Variants in JAM3 observed in about 807,000 individuals in gnomAD.
JAM3 encodes the protein junctional adhesion molecule C.
JAM3 carries 31 observed loss-of-function variants against 39.4 expected under a neutral mutation model. The observed-to-expected ratio is 0.79, with a 90% CI of 0.59 to 1.06. The LOEUF (loss-of-function observed/expected upper bound fraction) is 1.06. JAM3 is among the 50% of genes least tolerant of loss of function. The probability of loss-of-function intolerance (pLI) is 0.00; values close to 1 mark genes in which losing one functional copy is unlikely to be tolerated. For missense variants in JAM3, 455 were observed against 391.4 expected (o/e 1.16, Z -1.37); for synonymous variants, 182 against 148.7 (o/e 1.22, Z -1.63).
At chr11:134,099,097 A>T (rs1942031890) in intron 1 of JAM3, among the ~76,000 whole-genome samples, 1 of 152,098 alleles carries the variant, frequency 6.6e-6, no homozygotes, top group African/African-American at 2.4e-5. Context: ...TATGCTTGGG[A>T]GGCTGAAGTG....
chr11:134,105,573 T>C (rs1203660196), intron 1 of JAM3, among the ~76,000 whole-genome samples: 1 of 152,118 alleles, frequency 6.6e-6, no homozygotes, highest in East Asian at 1.9e-4. Flanking sequence ...TCCCTGTTTG[T>C]AGATGACATG....
chr11:134,074,093 CA>C (rs1363466903), intron 1 of JAM3, among the ~76,000 whole-genome samples: 1 of 152,174 alleles, frequency 6.6e-6, no homozygotes, highest in Non-Finnish European at 1.5e-5. Flanking sequence ...TTAAGTGACA[CA>C]AGCTGCAGGT....
intron 1 of JAM3, among the ~76,000 whole-genome samples, chr11:134,118,767 A>G (rs1239234408): frequency 6.6e-6 from 1 of 152,154 alleles, no homozygotes; most frequent in Non-Finnish European, 1.5e-5. Flanking sequence ...TTCGATTAAC[A>G]TGGCAATAAT....
rs557606282 is a variant in JAM3, at chr11:134,095,301, T to C, written c.76+26142T>C. On this transcript the variant is annotated intron_variant, in intron 1 of 8. Coordinates refer to ENST00000299106, the MANE Select transcript of JAM3 (RefSeq NM_032801.5). The stretch of plus-strand genomic sequence containing the variant: ...TACTAATGCAAATATGGAAAACTCT[T>C]TTTTTTTTATTGGCACATGAAGTCT... Among the ~76,000 whole-genome samples the C allele has an allele frequency of 4.0e-5, 6 of 150,464 alleles. No homozygotes were observed. The South Asian group carries it at 1.3e-3, about 32-fold the overall frequency.
chr11:134,148,892 G>A (rs1943131004), intron 8 of JAM3, 74 bp downstream of exon 8: 5 of 1,468,792 alleles, frequency 3.4e-6, no homozygotes, highest in Non-Finnish European at 3.8e-6. Flanking sequence ...GAAACCACAC[G>A]GGTCTCCTGG....
chr11:134,111,335 G>T (rs748525473), intron 1 of JAM3, among the ~76,000 whole-genome samples: 6 of 151,444 alleles, frequency 4.0e-5, no homozygotes, highest in Non-Finnish European at 8.8e-5. Flanking sequence ...GTAGAGACAG[G>T]GTTTCACCAT....
intron 1 of JAM3, among the ~76,000 whole-genome samples, chr11:134,125,058 C>T (rs1008389382): frequency 6.6e-6 from 1 of 152,204 alleles, no homozygotes; most frequent in African/African-American, 2.4e-5. Context: ...GTCTGTCTTG[C>T]TGCTGCTCCT....
chr11:134,113,890 T>C (rs1207600986), intron 1 of JAM3, among the ~76,000 whole-genome samples: 1 of 152,228 alleles, frequency 6.6e-6, no homozygotes, highest in Non-Finnish European at 1.5e-5. Context: ...CAATTCTAAC[T>C]GGTGTGAGAT....
Position 134,121,164 on chromosome 11 carries a change from C to A in JAM3, c.77-18687C>A, listed in dbSNP as rs1325701574. ...AGAACTGGGGGACTGTGCTCCAGGG[C>A]GTGAGGAGGTGGGTTGGGAAATGGT... On this transcript the variant is annotated intron_variant, in intron 1 of 8. Coordinates refer to ENST00000299106, the MANE Select transcript of JAM3 (RefSeq NM_032801.5). Among the ~76,000 whole-genome samples the A allele has an allele frequency of 4.6e-5, 7 of 152,218 alleles. No individual in the cohort carries two copies. In the East Asian group the frequency reaches 1.4e-3, roughly 29 times the overall value.
intron 1 of JAM3, among the ~76,000 whole-genome samples, chr11:134,126,631 A>G (rs939485916): frequency 1.3e-5 from 2 of 152,082 alleles, no homozygotes; most frequent in Non-Finnish European, 2.9e-5. Context: ...TATGGGAGGG[A>G]TTTTGCTGAG....
chr11:134,149,372 A>C lies in JAM3; in HGVS notation c.*191A>C, dbSNP rs542736280. 2 of 667,884 alleles carry C rather than the reference A, an allele frequency of 3.0e-6. No individual in the cohort carries two copies. The highest frequency in any genetic ancestry group is 2.7e-5 in the East Asian group (1 of 36,712). 41.4% of individuals were successfully genotyped at this position (667,884 alleles called of 1,614,324 possible). On this transcript the variant is annotated 3_prime_UTR_variant, in exon 9 of 9. Transcript: ENST00000299106. ...CACATGAATAGAAGAATTTTCCTCA[A>C]GATGGACCCGGTAAATATAACCACA... is the stretch of plus-strand genomic sequence containing the variant.
At chr11:134,105,401 C>T (rs1016063638) in intron 1 of JAM3, among the ~76,000 whole-genome samples, 6 of 152,038 alleles carry the variant, frequency 3.9e-5, no homozygotes, top group East Asian at 3.9e-4. Context: ...AATATCATAC[C>T]GAATGGGCAA....
chr11:134,140,674 A>T lies in JAM3; in HGVS notation c.160A>T (p.Ile54Phe). 2 of 1,613,650 alleles carry T rather than the reference A, an allele frequency of 1.2e-6. No homozygotes were observed. Among genetic ancestry groups the T allele is most frequent in the Non-Finnish European group, 1.7e-6 (2 of 1,179,740 alleles). ...CGTGTTAGGTGTGGAACTGTCTTGCATCATTACGGATTCGCAGACAAGTGA... is the reference window on the plus strand; with the variant it reads ...CGTGTTAGGTGTGGAACTGTCTTGCTTCATTACGGATTCGCAGACAAGTGA... ...QEFESVELSC[I>F]ITDSQTSDPR... Residue 54 changes from isoleucine to phenylalanine, a missense_variant, in exon 3 of 9, where the codon ATC (isoleucine) becomes TTC (phenylalanine). Ile to Phe is a conservative substitution (Grantham distance 21). Transcript: ENST00000299106.
intron 1 of JAM3, among the ~76,000 whole-genome samples, chr11:134,079,051 G>A (rs959017823): frequency 2.0e-5 from 3 of 151,880 alleles, no homozygotes; most frequent in Non-Finnish European, 2.9e-5. Flanking sequence ...AAACAAAACA[G>A]AATTATGAAC....
intron 1 of JAM3, among the ~76,000 whole-genome samples, chr11:134,129,122 CTT>C (rs35267285): frequency 0.082 from 11,169 of 136,268 alleles, 501 homozygotes; most frequent in Admixed American, 0.11. Flanking sequence ...TCTTCAAGTT[CTT>C]TTTTTTTTTT....
chr11:134,117,142 A>T (rs934168809), intron 1 of JAM3, among the ~76,000 whole-genome samples: 20 of 152,184 alleles, frequency 1.3e-4, no homozygotes, highest in Middle Eastern at 3.4e-3. Context: ...TGGGTGGATC[A>T]TCTGAGGTCA....
intron 1 of JAM3, among the ~76,000 whole-genome samples, chr11:134,080,431 C>T (rs998573274): frequency 6.6e-6 from 1 of 152,156 alleles, no homozygotes; most frequent in African/African-American, 2.4e-5. Flanking sequence ...CCATAATTTC[C>T]TCATGTTGTG....
rs114229417 is a variant in JAM3, at chr11:134,122,513, G to A, written c.77-17338G>A. 3.2e-3 allele frequency among the ~76,000 whole-genome samples: 490 copies of A among 152,260 alleles called. 3 individuals are homozygous for A. Among genetic ancestry groups the A allele is most frequent in the African/African-American group, 0.01 (430 of 41,558 alleles). ...GAATCTGCAGAAATGCTGCTACACCGCTTCACCAGCAACACAGTCCCTGCG... is the reference window on the plus strand; with the variant it reads ...GAATCTGCAGAAATGCTGCTACACCACTTCACCAGCAACACAGTCCCTGCG... On this transcript the variant is annotated intron_variant, in intron 1 of 8. Coordinates refer to ENST00000299106, the MANE Select transcript of JAM3 (RefSeq NM_032801.5).
intron 1 of JAM3, among the ~76,000 whole-genome samples, chr11:134,126,093 C>T (rs959971388): frequency 2.0e-5 from 3 of 152,118 alleles, no homozygotes; most frequent in Non-Finnish European, 4.4e-5. Flanking sequence ...GTAGGTTTTC[C>T]TGCGACATCC....
Sources: gnomAD v4.1 joint callset for allele counts (sites outside exome capture counted in the v4.1 genomes callset) on GRCh38, gnomAD v4.1.1 for gene constraint, MANE v1.5 for transcripts, NCBI Gene and HGNC (gene_info 2026-07-23, HGNC 2026-07-21) for gene names.